The following MTMR10 variants were observed in gnomAD, a reference collection of about 807,000 sequenced individuals.
MTMR10 encodes the protein myotubularin-related protein 10.
A neutral mutation model predicts 88.1 loss-of-function variants in MTMR10; 56 were observed. The ratio of observed to expected loss-of-function variants is 0.64; its 90% CI spans 0.51 to 0.79. The LOEUF (loss-of-function observed/expected upper bound fraction) is 0.79. Ranked by LOEUF, MTMR10 falls within the 30% of genes least tolerant of loss-of-function variation. The probability of loss-of-function intolerance (pLI) is 0.00; values close to 1 mark genes in which losing one functional copy is unlikely to be tolerated. For missense variants in MTMR10, 883 were observed against 924.7 expected, an observed-to-expected ratio of 0.95 and a Z score of 0.58; for synonymous variants, 380 against 340.9, an observed-to-expected ratio of 1.11 and a Z score of -1.26.
At chr15:30,974,711 G>A (rs910810472) in intron 4 of MTMR10, among the ~76,000 whole-genome samples, 3 of 151,780 alleles carry the variant, frequency 2.0e-5, no homozygotes, top group African/African-American at 7.3e-5. Flanking sequence ...TTAAAAAGAG[G>A]ACAAAAAACC....
chr15:30,927,505 G>A, the MTMR10 span: 5 of 985,788 alleles, frequency 5.1e-6, no homozygotes, highest in South Asian at 4.7e-5. Flanking sequence ...GTGCAGGACA[G>A]AGGTGACCCA....
At chr15:30,928,051 A>C in the MTMR10 span, 1 of 992,794 alleles carries the variant, frequency 1.0e-6, no homozygotes, top group Non-Finnish European at 1.2e-6. Context: ...GATGAGGTGC[A>C]TCAGAGCAGC....
the MTMR10 span, chr15:30,925,878 G>A: frequency 5.8e-4 from 929 of 1,614,188 alleles, 4 homozygotes; most frequent in African/African-American, 0.011. Flanking sequence ...ACCCCACCAC[G>A]GTCCTGTGCT....
the MTMR10 span, chr15:30,928,925 C>T: frequency 1.2e-3 from 545 of 442,268 alleles, 2 homozygotes; most frequent in Non-Finnish European, 1.5e-3. Flanking sequence ...TCCCGAGCAC[C>T]TGCCGTGTCG....
chr15:30,940,065 AG>A lies in MTMR10; in HGVS notation c.*1404del. On this transcript the variant is annotated 3_prime_UTR_variant, in exon 16 of 16. Transcript: ENST00000435680. ...CAGTTATCTTGAAAACACTTGTTTTAGAAAAGGAAATAAGCTAACTAGACAC... is the reference window on the plus strand; with the variant it reads ...CAGTTATCTTGAAAACACTTGTTTTAAAAAGGAAATAAGCTAACTAGACAC... The A allele has an allele frequency of 1.0e-6, 1 of 982,368 alleles. No individual in the cohort carries two copies. The allele number at this position is 982,368 out of a possible 1,614,324, so 60.9% of individuals were successfully genotyped here.
At chr15:30,976,345 G>A (rs1362558002) in intron 3 of MTMR10, among the ~76,000 whole-genome samples, 1 of 152,098 alleles carries the variant, frequency 6.6e-6, no homozygotes, top group Non-Finnish European at 1.5e-5. Flanking sequence ...GACAGAGGTT[G>A]CAGTGAGCCG....
intron 6 of MTMR10, chr15:30,965,786 A>G: frequency 3.3e-6 from 1 of 302,494 alleles, no homozygotes; most frequent in South Asian, 3.0e-5. Flanking sequence ...TGAGTGACTA[A>G]GGCCAGCTAA....
At chr15:30,963,297 A>G (rs1047295601) in intron 6 of MTMR10, among the ~76,000 whole-genome samples, 2 of 152,132 alleles carry the variant, frequency 1.3e-5, no homozygotes, top group African/African-American at 4.8e-5. Flanking sequence ...AAGTGGTATC[A>G]GAATTATCCA....
chr15:30,922,160 C>T, the MTMR10 span: 1 of 1,546,062 alleles, frequency 6.5e-7, no homozygotes, highest in African/African-American at 1.4e-5. Context: ...TTTACCAATC[C>T]TATGGGCTTG....
intron 9 of MTMR10, among the ~76,000 whole-genome samples, chr15:30,957,325 G>T (rs1029846197): frequency 1.3e-5 from 2 of 152,158 alleles, no homozygotes; most frequent in African/African-American, 2.4e-5. Flanking sequence ...TGAAATAAAT[G>T]TTAAAAACTC....
At chr15:30,955,135 C>T (rs1009833704) in intron 9 of MTMR10, among the ~76,000 whole-genome samples, 1 of 151,916 alleles carries the variant, frequency 6.6e-6, no homozygotes, top group African/African-American at 2.4e-5. Flanking sequence ...AGAGTGAAAT[C>T]AAGGAGAAGA....
chr15:30,975,060 G>A (rs2030017596), intron 3 of MTMR10, 57 bp from the exon 4 acceptor site: 3 of 1,287,290 alleles, frequency 2.3e-6, no homozygotes, highest in Admixed American at 2.2e-5. Context: ...CACAATGGTA[G>A]TATAAGCCTT....
chr15:30,958,698 T>G (rs1756500331), intron 9 of MTMR10, among the ~76,000 whole-genome samples, 165 bp downstream of exon 9: 1 of 152,250 alleles, frequency 6.6e-6, no homozygotes, highest in African/African-American at 2.4e-5. Context: ...TGTCAGTTAA[T>G]TTTAATATTA....
chr15:30,922,001 C>T, the MTMR10 span, among the ~76,000 whole-genome samples: 67 of 152,272 alleles, frequency 4.4e-4, 1 homozygote, highest in African/African-American at 1.6e-3. Context: ...ATGTCTGTAC[C>T]CCAGTGCCAG....
chr15:30,981,920 A>G (rs533045768), intron 2 of MTMR10, among the ~76,000 whole-genome samples: 92 of 152,098 alleles, frequency 6.0e-4, no homozygotes, highest in Non-Finnish European at 9.7e-4. Flanking sequence ...AAACACAAAA[A>G]ATTAGCTGGG....
the MTMR10 span, chr15:30,927,001 A>G: frequency 4.1e-6 from 4 of 985,500 alleles, no homozygotes; most frequent in Non-Finnish European, 4.8e-6. Context: ...ACAAATGCAC[A>G]GCATGGACCA....
chr15:30,941,822 T>C lies in MTMR10; in HGVS notation c.1982A>G (p.Tyr661Cys). Residue 661 changes from tyrosine to cysteine, a missense_variant, in exon 16 of 16, where the codon TAC (tyrosine) becomes TGC (cysteine). Physicochemically the swap from Tyr to Cys is radical, Grantham distance 194. Transcript: ENST00000435680. ...CTGGGCCTCGGGAACCCAGCGGAAG[T>C]AGCACAGTTTCCACAGTTTTATGTG... ...GTHIKLWKLCYFRWVPEAQIS... is the reference protein window; with the variant it reads ...GTHIKLWKLCCFRWVPEAQIS... 6.2e-7 allele frequency: 1 copy of C among 1,614,040 alleles called. No homozygotes were observed. The highest frequency in any genetic ancestry group is 8.5e-7 in the Non-Finnish European group (1 of 1,179,904).
downstream of MTMR10, chr15:30,937,065 T>A: frequency 6.8e-7 from 1 of 1,478,660 alleles, no homozygotes; most frequent in Non-Finnish European, 9.3e-7. Context: ...CTTACTTGAA[T>A]GGCTTTTCAT....
chr15:30,967,550 T>A (rs765699676), intron 6 of MTMR10, among the ~76,000 whole-genome samples: 2 of 152,220 alleles, frequency 1.3e-5, no homozygotes, highest in Non-Finnish European at 2.9e-5. Flanking sequence ...GAAAAGATTA[T>A]GCTTTTAATA....
Sources: allele counts gnomAD v4.1 joint callset (sites outside exome capture counted in the v4.1 genomes callset), GRCh38; gene constraint gnomAD v4.1.1; transcripts MANE v1.5; gene names NCBI Gene and HGNC (gene_info 2026-07-23, HGNC 2026-07-21).